The following TOX4 variants were observed in gnomAD, a reference collection of about 807,000 sequenced individuals.
TOX4 encodes the protein epidermal Langerhans cell protein LCP1.
Under a neutral mutation model 61.0 loss-of-function variants are expected in TOX4, and 12 were observed. The observed-to-expected ratio is 0.20, with a 90% CI of 0.13 to 0.32. TOX4 has a LOEUF of 0.32. TOX4 is among the 10% of genes least tolerant of loss of function. The pLI is 1.00. For missense variants in TOX4, 499 were observed against 753.3 expected (o/e 0.66, Z 3.95); for synonymous variants, 268 against 274.8 (o/e 0.98, Z 0.24).
rs1282108459 is a variant in TOX4 at position 21,496,720 on chromosome 14, T to C, written c.*114T>C. 2.3e-6 allele frequency: 2 copies of C among 874,446 alleles called. No individual in the cohort carries two copies. Among genetic ancestry groups the C allele is most frequent in the Admixed American group, 2.1e-5 (1 of 47,034 alleles). The allele number at this position is 874,446 out of a possible 1,614,324, so 54.2% of individuals were successfully genotyped here. On this transcript the variant is annotated 3_prime_UTR_variant, in exon 9 of 9. Coordinates refer to ENST00000448790, the MANE Select transcript of TOX4 (RefSeq NM_014828.4). ...GTGCCTCATCACAACCCATGATGGC[T>C]GTTCATGTTTCACCCCTTTTCTTCC... is the stretch of plus-strand genomic sequence containing the variant.
intron 5 of TOX4, 115 bp downstream of exon 5, chr14:21,489,518 A>G (rs1301442364): frequency 1.2e-6 from 1 of 868,586 alleles, no homozygotes; most frequent in South Asian, 1.8e-5. Context: ...TTTGTTAATG[A>G]CACTTAAATA....
chr14:21,487,669 G>T lies in TOX4; in HGVS notation c.294G>T (p.Gly98=). The T allele has an allele frequency of 7.4e-6, 12 of 1,612,674 alleles. No individual in the cohort carries two copies. Among genetic ancestry groups the T allele is most frequent in the Non-Finnish European group, 1.0e-5 (12 of 1,178,944 alleles). Reference sequence around the variant, plus strand: ...ATGGCTTGATGGAGCAGGGCGGGGGGCTCCTGAGTGGGGGCTTGACCATGG... The same window carrying T: ...ATGGCTTGATGGAGCAGGGCGGGGGTCTCCTGAGTGGGGGCTTGACCATGG... ...MTHGLMEQGG[G]LLSGGLTMDL... The change falls in exon 3 of 9, where the codon GGG becomes GGT. Residue 98 remains glycine (G), a synonymous_variant. Coordinates refer to ENST00000448790, the MANE Select transcript of TOX4 (RefSeq NM_014828.4).
chr14:21,496,660 A>T lies in TOX4; in HGVS notation c.*54A>T. ...GTTATCTGCTGGGAAAGTGTCCAAG[A>T]GCCTGTTTTTGAAACACAAGCTGGG... is the stretch of plus-strand genomic sequence containing the variant. On this transcript the variant is annotated 3_prime_UTR_variant, in exon 9 of 9. Coordinates refer to ENST00000448790, the MANE Select transcript of TOX4 (RefSeq NM_014828.4). The T allele has an allele frequency of 6.5e-7, 1 of 1,544,916 alleles. No homozygotes were observed. The highest frequency in any genetic ancestry group is 2.2e-5 in the East Asian group (1 of 44,454).
chr14:21,490,868 C>G (rs1320663513), intron 5 of TOX4, among the ~76,000 whole-genome samples: 1 of 152,222 alleles, frequency 6.6e-6, no homozygotes, highest in East Asian at 1.9e-4. Context: ...TCCTGTTACC[C>G]AGGCTGCAGT....
Position 21,477,276 on chromosome 14 carries a change from A to G in TOX4, c.-3A>G. 1 of 1,613,884 alleles carries G rather than the reference A, an allele frequency of 6.2e-7. No homozygotes were observed. The highest frequency in any genetic ancestry group is 8.5e-7 in the Non-Finnish European group (1 of 1,179,920). ...CTGAGACGGTGGGAGCGGTTGTGTG[A>G]AGATGGAGGTAGGAACCTGATAGCT... is the stretch of plus-strand genomic sequence containing the variant. On this transcript the variant is annotated 5_prime_UTR_variant, in exon 1 of 9. Coordinates refer to ENST00000448790, the MANE Select transcript of TOX4 (RefSeq NM_014828.4).
chr14:21,483,144 G>A (rs1386255112), intron 2 of TOX4, among the ~76,000 whole-genome samples: 2 of 152,178 alleles, frequency 1.3e-5, no homozygotes, highest in East Asian at 1.9e-4. Context: ...ATGAGGGGTA[G>A]TCACTTGTGG....
intron 2 of TOX4, among the ~76,000 whole-genome samples, chr14:21,478,606 T>C (rs1465814252): frequency 6.6e-6 from 1 of 152,196 alleles, no homozygotes; most frequent in Non-Finnish European, 1.5e-5. Flanking sequence ...AAAATTTCTG[T>C]CTTTGAGAAA....
rs986429949 is a variant in TOX4 at position 21,497,191 on chromosome 14, G to C, written c.*585G>C. ...CCTTATCTGAGTTATCACAGTTCATGAATCTAAGAGGCGGAACTCTACATC... is the reference window on the plus strand; with the variant it reads ...CCTTATCTGAGTTATCACAGTTCATCAATCTAAGAGGCGGAACTCTACATC... On this transcript the variant is annotated 3_prime_UTR_variant, in exon 9 of 9. Coordinates refer to ENST00000448790, the MANE Select transcript of TOX4 (RefSeq NM_014828.4). 3.3e-5 allele frequency: 5 copies of C among 152,234 alleles called. No individual in the cohort carries two copies. The highest frequency in any genetic ancestry group is 1.2e-4 in the African/African-American group (5 of 41,414). 9.4% of individuals were successfully genotyped at this position (152,234 alleles called of 1,614,324 possible). A position where few individuals can be genotyped will look rare whatever the true frequency, so the allele number is the denominator to read the frequency against.
chr14:21,492,863 C>G lies in TOX4; in HGVS notation c.1247C>G (p.Ala416Gly). ...STATIQPSQQ[A>G]QIVTRSVLQA... ...GCTACTATCCAGCCCAGTCAACAAGCCCAGATTGTCACTCGGTCAGTGTTG... is the reference window on the plus strand; with the variant it reads ...GCTACTATCCAGCCCAGTCAACAAGGCCAGATTGTCACTCGGTCAGTGTTG... The change falls in exon 7 of 9, where the codon GCC becomes GGC. Residue 416 changes from alanine to glycine, a missense_variant. Coordinates refer to ENST00000448790, the MANE Select transcript of TOX4 (RefSeq NM_014828.4). The G allele has an allele frequency of 6.2e-7, 1 of 1,613,116 alleles. No homozygotes were observed. Among genetic ancestry groups the G allele is most frequent in the Non-Finnish European group, 8.5e-7 (1 of 1,179,626 alleles).
In TOX4 at chr14:21,495,272, C is replaced by G. The variant is rs1458596248; in HGVS notation, c.1685C>G (p.Ser562Cys). 6.2e-7 allele frequency: 1 copy of G among 1,613,992 alleles called. No homozygotes were observed. Among genetic ancestry groups the G allele is most frequent in the East Asian group, 2.2e-5 (1 of 44,896 alleles). ...ATGGATGTTGAATTGGTGAGTGGGT[C>G]TCCTGTGGCACTCTCACCCCAGCCT... ...SQMDVELVSG[S>C]PVALSPQPRC... is the part of the protein sequence containing the mutation. Residue 562 changes from serine to cysteine, a missense_variant, in exon 8 of 9, where the codon TCT becomes TGT. This residue lies in a region of TOX4 where 296 missense variants were observed against 404.7 expected (regional missense o/e 0.73). Coordinates refer to ENST00000448790, the MANE Select transcript of TOX4 (RefSeq NM_014828.4).
At chr14:21,489,093 A>G in intron 4 of TOX4, 80 bp from the exon 5 acceptor site, 1 of 1,459,482 alleles carries the variant, frequency 6.9e-7, no homozygotes, top group Non-Finnish European at 9.3e-7. Flanking sequence ...ATTTCTGAAA[A>G]TTCCATACAT....
chr14:21,483,295 C>A (rs1891138485), intron 2 of TOX4, among the ~76,000 whole-genome samples: 1 of 151,844 alleles, frequency 6.6e-6, no homozygotes, highest in African/African-American at 2.4e-5. Context: ...TTTGCCAAAG[C>A]AATCTGTATC....
At chr14:21,484,329 C>CTTTTTT (rs533570141) in intron 2 of TOX4, among the ~76,000 whole-genome samples, 2 of 44,234 alleles carry the variant, frequency 4.5e-5, no homozygotes, top group African/African-American at 8.2e-5. Context: ...CTAGCAATGT[C>CTTTTTT]TTTTTTTTTT....
At chr14:21,478,896 T>A (rs902089015) in intron 2 of TOX4, among the ~76,000 whole-genome samples, 2 of 151,746 alleles carry the variant, frequency 1.3e-5, no homozygotes, top group African/African-American at 4.8e-5. Flanking sequence ...CTCCACCTCC[T>A]GGGCTCAAGT....
chr14:21,488,766 T>C lies in TOX4; in HGVS notation c.495T>C (p.Pro165=), dbSNP rs1425425204. The change falls in exon 4 of 9, where the codon CCT becomes CCC. Residue 165 remains proline (P), a synonymous_variant. Transcript: ENST00000448790. ...LSLGGGTILP[P]AQSPEDRLST... Reference sequence around the variant, plus strand: ...TAGGGGGTGGCACCATCCTGCCACCTGCCCAGTCACCTGAAGATCGTCTTT... The same window carrying C: ...TAGGGGGTGGCACCATCCTGCCACCCGCCCAGTCACCTGAAGATCGTCTTT... The C allele has an allele frequency of 6.2e-7, 1 of 1,614,122 alleles. No homozygotes were observed. The highest frequency in any genetic ancestry group is 8.5e-7 in the Non-Finnish European group (1 of 1,180,044).
chr14:21,477,392 G>A (rs1436030121), intron 1 of TOX4, 104 bp from the exon 2 acceptor site: 3 of 1,611,420 alleles, frequency 1.9e-6, no homozygotes, highest in East Asian at 2.2e-5. Flanking sequence ...GAGAGAGAGC[G>A]GGGTTTGGGG....
chr14:21,485,346 C>T (rs547554058), intron 2 of TOX4, among the ~76,000 whole-genome samples: 1 of 103,916 alleles, frequency 9.6e-6, no homozygotes, highest in African/African-American at 3.6e-5. Context: ...ACCTGGGAGG[C>T]GGAGGTTGCG....
intron 2 of TOX4, among the ~76,000 whole-genome samples, chr14:21,484,165 T>A (rs1452080119): frequency 6.6e-6 from 1 of 152,050 alleles, no homozygotes; most frequent in South Asian, 2.1e-4. Context: ...AACGACCAGA[T>A]TTTTTACCAT....
chr14:21,494,636 G>C (rs1043371856), intron 7 of TOX4, among the ~76,000 whole-genome samples: 4 of 152,092 alleles, frequency 2.6e-5, no homozygotes, highest in African/African-American at 9.7e-5. Flanking sequence ...TGTAGTCCCA[G>C]CTACTCTGGA....
Sources: gnomAD v4.1 joint callset for allele counts (sites outside exome capture counted in the v4.1 genomes callset) on GRCh38, gnomAD v4.1.1 for gene constraint, gnomAD v4.1.1 regional missense constraint, MANE v1.5 for transcripts, NCBI Gene and HGNC (gene_info 2026-07-23, HGNC 2026-07-21) for gene names.